GOLIM4: variants seen among roughly 807,000 people sequenced by gnomAD.
GOLIM4 encodes golgi integral membrane protein 4.
Under a neutral mutation model 107.4 loss-of-function variants are expected in GOLIM4, and 71 were observed. That is an observed-to-expected ratio of 0.66 (90% CI 0.55 to 0.81). The LOEUF is 0.81. Among genes scored for constraint, GOLIM4 ranks in the 30% least tolerant of loss-of-function variants. The pLI, the probability that GOLIM4 is intolerant of heterozygous loss-of-function variation, is 0.00. For missense variants in GOLIM4, 830 were observed against 826.1 expected, an observed-to-expected ratio of 1.00 and a Z score of -0.06; for synonymous variants, 327 against 294.8, an observed-to-expected ratio of 1.11 and a Z score of -1.12.
intron 1 of GOLIM4, among the ~76,000 whole-genome samples, chr3:168,086,690 A>C (rs1367525228): frequency 6.6e-6 from 1 of 152,210 alleles, no homozygotes; most frequent in Non-Finnish European, 1.5e-5. Context: ...TATAGAGAGC[A>C]ATTTATTTCA....
At position 168,039,265 on chromosome 3, in the gene GOLIM4, T is replaced by A. The variant is rs961516669; in HGVS notation, c.684+1521A>T. ...TAACTATATATTAAGAAAAAAAAAA[T>A]TTTTTTTTTTTTTTTGAGATGGAGT... On this transcript the variant is annotated intron_variant, in intron 7 of 15. Transcript: ENST00000470487. 7.6e-3 allele frequency among the ~76,000 whole-genome samples: 616 copies of A among 80,704 alleles called. 6 individuals are homozygous for A. The highest frequency in any genetic ancestry group is 9.9e-3 in the Non-Finnish European group (365 of 36,916). The allele number at this position is 80,704 out of a possible 152,430, so 52.9% of individuals were successfully genotyped here. A position where few individuals can be genotyped will look rare whatever the true frequency, so the allele number is the denominator to read the frequency against.
chr3:168,052,373 CAT>C (rs1371939325), intron 1 of GOLIM4, among the ~76,000 whole-genome samples: 6 of 151,444 alleles, frequency 4.0e-5, no homozygotes, highest in African/African-American at 9.8e-5. Flanking sequence ...TATATATACA[CAT>C]ACACACACTC....
chr3:168,074,910 G>A (rs1464336360), intron 1 of GOLIM4, among the ~76,000 whole-genome samples: 1 of 152,194 alleles, frequency 6.6e-6, no homozygotes, highest in Non-Finnish European at 1.5e-5. Context: ...CCCAGACAGA[G>A]AGGAAATTAG....
chr3:168,012,905 G>A (rs567841453), intron 14 of GOLIM4, among the ~76,000 whole-genome samples: 1 of 150,966 alleles, frequency 6.6e-6, no homozygotes, highest in African/African-American at 2.5e-5. Flanking sequence ...AACATGGAAA[G>A]GAACAACCGG....
intron 14 of GOLIM4, among the ~76,000 whole-genome samples, chr3:168,024,019 T>G (rs1302859982): frequency 1.3e-5 from 2 of 152,218 alleles, no homozygotes; most frequent in African/African-American, 4.8e-5. Flanking sequence ...ATTGTTAAAT[T>G]TAATTAAGAT....
chr3:168,076,362 G>A, intron 1 of GOLIM4, among the ~76,000 whole-genome samples: 1 of 152,200 alleles, frequency 6.6e-6, no homozygotes, highest in East Asian at 1.9e-4. Context: ...TGTTTGTTTT[G>A]TTTCTTTGTT....
At chr3:168,046,688 A>G (rs150289776) in intron 3 of GOLIM4, among the ~76,000 whole-genome samples, 1 of 152,330 alleles carries the variant, frequency 6.6e-6, no homozygotes, top group Admixed American at 6.5e-5. Flanking sequence ...AAACAAATAA[A>G]TGAAATAATC....
chr3:168,056,608 C>T (rs897880854), intron 1 of GOLIM4, among the ~76,000 whole-genome samples: 1 of 152,334 alleles, frequency 6.6e-6, no homozygotes, highest in African/African-American at 2.4e-5. Flanking sequence ...CATGTGAACC[C>T]ACCTCTTGCA....
chr3:168,094,554 G>A (rs972632412), intron 1 of GOLIM4, among the ~76,000 whole-genome samples: 2 of 152,194 alleles, frequency 1.3e-5, no homozygotes, highest in African/African-American at 4.8e-5. Flanking sequence ...AAACTAGCAG[G>A]TCCAGATCTA....
intron 1 of GOLIM4, among the ~76,000 whole-genome samples, chr3:168,059,537 A>G (rs565300883): frequency 6.7e-4 from 102 of 152,350 alleles, no homozygotes; most frequent in African/African-American, 2.4e-3. Flanking sequence ...AATCAAACAA[A>G]TATTAATTGG....
intron 12 of GOLIM4, 147 bp from the exon 13 acceptor site, chr3:168,025,242 A>G: frequency 1.6e-6 from 1 of 641,416 alleles, no homozygotes. Flanking sequence ...ACAAGAATCA[A>G]GCATCACACT....
chr3:168,010,646 C>T, intron 15 of GOLIM4, 97 bp downstream of exon 15: 1 of 940,946 alleles, frequency 1.1e-6, no homozygotes, highest in South Asian at 1.4e-5. Flanking sequence ...GGTACCATTA[C>T]CCACTGGTAC....
At chr3:168,067,017 C>A (rs1720585794) in intron 1 of GOLIM4, among the ~76,000 whole-genome samples, 1 of 152,050 alleles carries the variant, frequency 6.6e-6, no homozygotes, top group African/African-American at 2.4e-5. Flanking sequence ...TACAACCTAT[C>A]CTCCTACCCT....
chr3:168,051,466 A>C (rs1334025655), intron 1 of GOLIM4, among the ~76,000 whole-genome samples: 1 of 152,214 alleles, frequency 6.6e-6, no homozygotes, highest in East Asian at 1.9e-4. Flanking sequence ...AATAAATCCC[A>C]TAAAATGTCC....
chr3:168,035,449 T>C (rs1045715405), intron 8 of GOLIM4, among the ~76,000 whole-genome samples: 3 of 152,274 alleles, frequency 2.0e-5, no homozygotes, highest in African/African-American at 7.2e-5. Flanking sequence ...ATAAACACCA[T>C]GGAATACTAT....
chr3:168,027,914 C>T, intron 11 of GOLIM4, 77 bp from the exon 12 acceptor site: 1 of 919,302 alleles, frequency 1.1e-6, no homozygotes, highest in South Asian at 1.4e-5. Context: ...GAAAAGCCAC[C>T]AGTGGACTTT....
rs1014810716 is a variant in GOLIM4, at chr3:168,041,429, GCTTTC to G, written c.558_562del (p.Arg186SerfsTer17). 1 of 1,592,950 alleles carries G rather than the reference GCTTTC, an allele frequency of 6.3e-7. No individual in the cohort carries two copies. Among genetic ancestry groups the G allele is most frequent in the Non-Finnish European group, 8.6e-7 (1 of 1,162,070 alleles). ...AAGCTGTGTATGTATGTCTTGGTGT[GCTTTC>G]CTTAGTTGTCTATTCTCTTCTCTCA... On this transcript the variant is annotated frameshift_variant, in exon 6 of 16. Coordinates refer to ENST00000470487, the MANE Select transcript of GOLIM4 (RefSeq NM_014498.5). LOFTEE classifies it high-confidence loss of function.
chr3:168,086,172 TGTTAAAA>T (rs1453993470), intron 1 of GOLIM4, among the ~76,000 whole-genome samples: 1 of 152,118 alleles, frequency 6.6e-6, no homozygotes, highest in African/African-American at 2.4e-5. Context: ...ATTTTCTGTC[TGTTAAAA>T]GATTGAGCTA....
intron 14 of GOLIM4, among the ~76,000 whole-genome samples, chr3:168,019,445 T>C (rs1244720073): frequency 2.6e-5 from 4 of 152,202 alleles, no homozygotes; most frequent in African/African-American, 9.6e-5. Context: ...AATAATTCCA[T>C]AGTAGCATCT....
Sources: gnomAD v4.1 joint callset for allele counts (sites outside exome capture counted in the v4.1 genomes callset) on GRCh38, gnomAD v4.1.1 for gene constraint, MANE v1.5 for transcripts, NCBI Gene and HGNC (gene_info 2026-07-23, HGNC 2026-07-21) for gene names.